The following CNTNAP5 variants were observed in gnomAD, a reference collection of about 807,000 sequenced individuals.
The protein encoded by CNTNAP5 is contactin-associated protein-like 5.
CNTNAP5 carries 72 observed loss-of-function variants against 150.2 expected under a neutral mutation model. The observed-to-expected ratio is 0.48, with a 90% CI of 0.40 to 0.58. CNTNAP5 has a LOEUF of 0.58. CNTNAP5 is among the 20% of genes least tolerant of loss of function. The pLI, the probability that CNTNAP5 is intolerant of heterozygous loss-of-function variation, is 0.00. For synonymous variants in CNTNAP5, 672 were observed against 619.8 expected, an observed-to-expected ratio of 1.08 and a Z score of -1.25; for missense variants, 1,636 against 1,626.2, an observed-to-expected ratio of 1.01 and a Z score of -0.10.
intron 19 of CNTNAP5, among the ~76,000 whole-genome samples, chr2:124,812,144 TATATA>T (rs971931993): frequency 9.1e-6 from 1 of 109,428 alleles, no homozygotes; most frequent in African/African-American, 3.6e-5. Flanking sequence ...ATTTATATAT[TATATA>T]ATATATAAAT....
At chr2:124,060,161 C>T (rs182785033) in intron 1 of CNTNAP5, among the ~76,000 whole-genome samples, 4 of 152,182 alleles carry the variant, frequency 2.6e-5, no homozygotes, top group South Asian at 2.1e-4. Context: ...ACTTTGGAAT[C>T]GATGACTCCA....
At chr2:124,550,522 G>C (rs1050309788) in intron 10 of CNTNAP5, among the ~76,000 whole-genome samples, 1 of 152,146 alleles carries the variant, frequency 6.6e-6, no homozygotes, top group Non-Finnish European at 1.5e-5. Context: ...CTGTCTGTGC[G>C]TTTCCTGATA....
chr2:124,638,550 C>T (rs1208683277), intron 12 of CNTNAP5, among the ~76,000 whole-genome samples: 2 of 152,116 alleles, frequency 1.3e-5, no homozygotes, highest in South Asian at 2.1e-4. Flanking sequence ...TTGGACTTGC[C>T]TTTTCTTTAT....
intron 19 of CNTNAP5, among the ~76,000 whole-genome samples, chr2:124,830,576 C>G (rs912230633): frequency 1.3e-5 from 2 of 151,870 alleles, no homozygotes; most frequent in Non-Finnish European, 2.9e-5. Context: ...AATGTAAACA[C>G]AAAACTAGTA....
intron 1 of CNTNAP5, among the ~76,000 whole-genome samples, chr2:124,032,020 G>C (rs1216259857): frequency 1.3e-5 from 2 of 152,108 alleles, no homozygotes; most frequent in African/African-American, 2.4e-5. Flanking sequence ...CTAAACTCAA[G>C]TTTGTCTATG....
chr2:124,737,105 A>G (rs1680399312), intron 13 of CNTNAP5, among the ~76,000 whole-genome samples: 1 of 152,210 alleles, frequency 6.6e-6, no homozygotes, highest in Non-Finnish European at 1.5e-5. Context: ...AGCCTGACCA[A>G]CATAGAGAAA....
At chr2:124,563,690 T>C (rs1695946159) in intron 11 of CNTNAP5, among the ~76,000 whole-genome samples, 2 of 152,202 alleles carry the variant, frequency 1.3e-5, no homozygotes, top group South Asian at 2.1e-4. Flanking sequence ...CTAACATCTC[T>C]GTGGTCTAAG....
At chr2:124,180,290 A>G (rs1333262209) in intron 1 of CNTNAP5, among the ~76,000 whole-genome samples, 1 of 152,116 alleles carries the variant, frequency 6.6e-6, no homozygotes, top group Non-Finnish European at 1.5e-5. Flanking sequence ...TCGAGAATCT[A>G]TTTCCTGCTT....
At chr2:124,337,441 C>T (rs1352641714) in intron 3 of CNTNAP5, among the ~76,000 whole-genome samples, 2 of 152,110 alleles carry the variant, frequency 1.3e-5, no homozygotes, top group Non-Finnish European at 2.9e-5. Context: ...GACATGAAGT[C>T]CTTGCCCATA....
At chr2:124,114,590 T>C (rs1249188150) in intron 1 of CNTNAP5, among the ~76,000 whole-genome samples, 2 of 152,012 alleles carry the variant, frequency 1.3e-5, no homozygotes, top group East Asian at 3.9e-4. Context: ...TTTTCCTTTC[T>C]GGTCCTAATA....
intron 13 of CNTNAP5, among the ~76,000 whole-genome samples, chr2:124,717,227 G>T (rs74815530): frequency 0.043 from 6,594 of 152,238 alleles, 507 homozygotes; most frequent in African/African-American, 0.15. Flanking sequence ...GGGGAGTGTA[G>T]GCTGTGTTGG....
At chr2:124,273,148 A>G (rs772115612) in intron 3 of CNTNAP5, among the ~76,000 whole-genome samples, 14 of 152,214 alleles carry the variant, frequency 9.2e-5, no homozygotes, top group Non-Finnish European at 1.8e-4. Flanking sequence ...TGCCTGTCAC[A>G]TATTAAATGC....
At chr2:124,064,955 A>C (rs988746253) in intron 1 of CNTNAP5, among the ~76,000 whole-genome samples, 3 of 152,042 alleles carry the variant, frequency 2.0e-5, no homozygotes, top group African/African-American at 7.2e-5. Flanking sequence ...GGCTCCCGTG[A>C]CCCCTCTGTA....
At chr2:124,194,767 T>C (rs1165823433) in intron 1 of CNTNAP5, among the ~76,000 whole-genome samples, 1 of 151,332 alleles carries the variant, frequency 6.6e-6, no homozygotes, top group Non-Finnish European at 1.5e-5. Context: ...GTAGTAACAA[T>C]ATATAATACA....
chr2:124,495,660 T>A (rs903561051), intron 7 of CNTNAP5, among the ~76,000 whole-genome samples: 1 of 152,242 alleles, frequency 6.6e-6, no homozygotes, highest in Non-Finnish European at 1.5e-5. Flanking sequence ...ACGATCTTTA[T>A]CCTTGAAGGC....
chr2:124,895,842 G>T (rs1678293110), intron 21 of CNTNAP5, among the ~76,000 whole-genome samples: 1 of 151,436 alleles, frequency 6.6e-6, no homozygotes, highest in African/African-American at 2.4e-5. Context: ...CCTTAGGAAG[G>T]TGCCCAAGGA....
At chr2:124,164,319 A>G (rs1185415938) in intron 1 of CNTNAP5, among the ~76,000 whole-genome samples, 3 of 152,170 alleles carry the variant, frequency 2.0e-5, no homozygotes, top group Non-Finnish European at 4.4e-5. Context: ...TCCTCAAGGC[A>G]TGTGCCATTG....
intron 1 of CNTNAP5, among the ~76,000 whole-genome samples, chr2:124,054,012 C>A (rs537255905): frequency 2.0e-5 from 3 of 152,290 alleles, no homozygotes; most frequent in Admixed American, 2.0e-4. Context: ...AAGATGTCAA[C>A]ATGATTTACT....
At chr2:124,431,536 C>A (rs1382919454) in intron 4 of CNTNAP5, among the ~76,000 whole-genome samples, 2 of 137,176 alleles carry the variant, frequency 1.5e-5, no homozygotes, top group Admixed American at 7.6e-5. Context: ...TATAAAATTT[C>A]TTTATATAAA....
Sources: gnomAD v4.1 joint callset for allele counts (sites outside exome capture counted in the v4.1 genomes callset) on GRCh38, gnomAD v4.1.1 for gene constraint, MANE v1.5 for transcripts, NCBI Gene and HGNC (gene_info 2026-07-23, HGNC 2026-07-21) for gene names.